The following EGFL6 variants were observed in gnomAD, a reference collection of about 807,000 sequenced individuals.
EGFL6 encodes epidermal growth factor-like protein 6.
Under a neutral mutation model 43.1 loss-of-function variants are expected in EGFL6, and 42 were observed. The observed-to-expected ratio is 0.98, with a 90% confidence interval of 0.76 to 1.26. EGFL6 has a LOEUF of 1.26. Ranked by LOEUF, EGFL6 falls within the 50% of genes most tolerant of loss-of-function variation. The probability of loss-of-function intolerance (pLI) is 0.00; values close to 1 mark genes in which losing one functional copy is unlikely to be tolerated. For synonymous variants in EGFL6, 164 were observed against 163.2 expected, an observed-to-expected ratio of 1.01 and a Z score of -0.04; for missense variants, 429 against 427.8, an observed-to-expected ratio of 1.00 and a Z score of -0.02.
chrX:13,596,099 A>G (rs1224182875), intron 3 of EGFL6: 1 of 112,412 alleles, frequency 8.9e-6, no homozygotes, highest in Non-Finnish European at 1.9e-5. Context: ...TAATATCTAT[A>G]ACAGTGGTTC....
chrX:13,590,964 T>TA (rs1158726187), intron 2 of EGFL6, among the ~76,000 whole-genome samples: 1 of 111,669 alleles, frequency 9.0e-6, no homozygotes, highest in African/African-American at 3.3e-5. Context: ...TTGGGCAAGC[T>TA]AGCTAAGGTA....
chrX:13,614,814 C>T (rs1372122946), intron 7 of EGFL6, among the ~76,000 whole-genome samples: 1 of 107,905 alleles, frequency 9.3e-6, no homozygotes, highest in Non-Finnish European at 1.9e-5. Flanking sequence ...GTGGCATGAT[C>T]TCAGCTCACT....
chrX:13,602,963 C>T lies in EGFL6; in HGVS notation c.401-354C>T, dbSNP rs112210222. The stretch of plus-strand genomic sequence containing the variant: ...GATTACTCAGGTTGATAATCTCCAT[C>T]AGCAGTTGCAATTCAACCTACTGAG... On this transcript the variant is annotated intron_variant, in intron 4 of 11. Transcript: ENST00000361306. Among the ~76,000 whole-genome samples, 527 of 112,279 alleles carry T rather than the reference C, an allele frequency of 4.7e-3. 7 individuals are homozygous for T. The highest frequency in any genetic ancestry group is 0.031 in the Admixed American group (327 of 10,620).
chrX:13,594,333 T>C (rs1341971776), intron 2 of EGFL6, among the ~76,000 whole-genome samples: 1 of 112,147 alleles, frequency 8.9e-6, no homozygotes, highest in Non-Finnish European at 1.9e-5. Flanking sequence ...TTTGTCATGC[T>C]TTCTCATGCC....
At chrX:13,616,623 A>G (rs1428851329) in intron 7 of EGFL6, among the ~76,000 whole-genome samples, 1 of 110,243 alleles carries the variant, frequency 9.1e-6, no homozygotes, top group South Asian at 3.8e-4. Flanking sequence ...AAAAAAAAAA[A>G]GAAAGAAAAG....
intron 1 of EGFL6, among the ~76,000 whole-genome samples, chrX:13,573,971 G>A (rs2045456812): frequency 8.9e-6 from 1 of 112,339 alleles, no homozygotes; most frequent in Non-Finnish European, 1.9e-5. Context: ...TCCTTTCTAA[G>A]TTTGCATTTT....
intron 7 of EGFL6, among the ~76,000 whole-genome samples, chrX:13,617,262 C>T (rs188142976): frequency 8.9e-5 from 10 of 111,915 alleles, no homozygotes; most frequent in Non-Finnish European, 1.9e-5. Context: ...CACCATAAGT[C>T]ACCATTTTTG....
rs779772809 is a variant in EGFL6 at position 13,626,180 on chromosome X, C to G, written c.1286-831C>G. 4.5e-5 allele frequency among the ~76,000 whole-genome samples: 5 copies of G among 111,740 alleles called. No homozygotes were observed. In the South Asian group the frequency reaches 1.9e-3, roughly 42 times the overall value. On this transcript the variant is annotated intron_variant, in intron 10 of 11. Transcript: ENST00000361306. Reference sequence around the variant, plus strand: ...TTTTTATTTGCTAAATCTGGATACCCTACTAGCTGGGGAAGAAGACCAGAT... The same window carrying G: ...TTTTTATTTGCTAAATCTGGATACCGTACTAGCTGGGGAAGAAGACCAGAT...
At chrX:13,622,263 G>C (rs1218247672) in intron 9 of EGFL6, among the ~76,000 whole-genome samples, 2 of 112,256 alleles carry the variant, frequency 1.8e-5, no homozygotes, top group Admixed American at 1.9e-4. Context: ...ATATGTGCAA[G>C]ATGGAAGGTC....
chrX:13,595,235 C>G lies in EGFL6; in HGVS notation c.280+307C>G, dbSNP rs370181962. 1.8e-4 allele frequency among the ~76,000 whole-genome samples: 20 copies of G among 110,424 alleles called. No individual in the cohort carries two copies. The East Asian group carries it at 5.0e-3, about 28-fold the overall frequency. On this transcript the variant is annotated intron_variant, in intron 3 of 11. Coordinates refer to ENST00000361306, the MANE Select transcript of EGFL6 (RefSeq NM_015507.4). ...CTTTCCGTAACACAGAAAAAAAGAG[C>G]CTTTTTAAAAAGTAAATAATTTTAT...
intron 1 of EGFL6, among the ~76,000 whole-genome samples, chrX:13,587,809 C>G (rs949396695): frequency 1.8e-5 from 2 of 112,091 alleles, no homozygotes; most frequent in Non-Finnish European, 3.8e-5. Context: ...AGGCCCTTTT[C>G]GTCACTGTAC....
intron 11 of EGFL6, 97 bp downstream of exon 11, chrX:13,627,373 G>A: frequency 9.5e-7 from 1 of 1,049,548 alleles, no homozygotes; most frequent in Non-Finnish European, 1.3e-6. Context: ...TAGGCATTAA[G>A]GATACAACGA....
chrX:13,627,221 A>C lies in EGFL6; in HGVS notation c.1496A>C (p.Glu499Ala). ...LAWEKTTSED[E>A]KWKTGKIQLY... ...TGGGAGAAGACCACGAGTGAGGATG[A>C]AAAGTGGAAGACAGGGAAAATTCAG... Residue 499 changes from glutamate (E) to alanine (A), a missense_variant, in exon 11 of 12, where the codon GAA (glutamate) becomes GCA (alanine). By Grantham distance (107) the Glu-to-Ala change is moderately radical (BLOSUM62 -1). Coordinates refer to ENST00000361306, the MANE Select transcript of EGFL6 (RefSeq NM_015507.4). 8.2e-7 allele frequency: 1 copy of C among 1,212,306 alleles called. No homozygotes were observed. Among genetic ancestry groups the C allele is most frequent in the Non-Finnish European group, 1.1e-6 (1 of 895,442 alleles).
chrX:13,606,693 T>C (rs187452407), intron 6 of EGFL6, among the ~76,000 whole-genome samples, 180 bp downstream of exon 6: 3 of 112,279 alleles, frequency 2.7e-5, no homozygotes, highest in Non-Finnish European at 5.6e-5. Flanking sequence ...TCCAATGACA[T>C]CAATTATAAA....
At chrX:13,578,296 TG>T (rs1446812630) in intron 1 of EGFL6, among the ~76,000 whole-genome samples, 1 of 108,633 alleles carries the variant, frequency 9.2e-6, no homozygotes, top group Non-Finnish European at 1.9e-5. Flanking sequence ...CTGGAGAGGA[TG>T]TGGAGAAATA....
chrX:13,593,232 ACTTGGTTATGATAC>A (rs2045575989), intron 2 of EGFL6, among the ~76,000 whole-genome samples: 3 of 111,025 alleles, frequency 2.7e-5, no homozygotes, highest in Non-Finnish European at 5.7e-5. Context: ...GCTAGTTTTA[ACTTGGTTATGATAC>A]CTGTACTGTA....
In EGFL6 at chrX:13,594,871, G is replaced by A. The variant is rs141324039; in HGVS notation, c.223G>A (p.Val75Met). Residue 75 changes from valine (V) to methionine (M), a missense_variant, in exon 3 of 12, where the codon GTG (valine) becomes ATG (methionine). By Grantham distance (21) the Val-to-Met change is conservative. Transcript: ENST00000361306. The part of the protein sequence containing the change: ...CEPGCKFGEC[V>M]GPNKCRCFPG... ...ACCTGGATGTAAGTTTGGTGAGTGC[G>A]TGGGACCAAACAAATGCAGATGCTT... is the stretch of plus-strand genomic sequence containing the variant. 6.6e-3 allele frequency: 7,938 copies of A among 1,209,135 alleles called. 31 individuals are homozygous for A. Among genetic ancestry groups the A allele is most frequent in the Non-Finnish European group, 7.7e-3 (6,867 of 894,686 alleles).
In EGFL6 at chrX:13,585,409, T is replaced by C. The variant is rs1271570815; in HGVS notation, c.75-4147T>C. 4.5e-5 allele frequency among the ~76,000 whole-genome samples: 5 copies of C among 112,185 alleles called. No individual in the cohort carries two copies. The Admixed American group carries it at 4.7e-4, about 11-fold the overall frequency. On this transcript the variant is annotated intron_variant, in intron 1 of 11. Transcript: ENST00000361306. The stretch of plus-strand genomic sequence containing the variant: ...ATTATGTTTCTTTGATTTAAGCTTC[T>C]GTAATAGACTGAATATATTGAGTGC...
chrX:13,600,733 A>G (rs2045629521), intron 4 of EGFL6, among the ~76,000 whole-genome samples: 2 of 94,592 alleles, frequency 2.1e-5, no homozygotes, highest in Non-Finnish European at 4.1e-5. Flanking sequence ...CCCTGTCTCT[A>G]CTAAAAAAAA....
Sources: gnomAD v4.1 joint callset for allele counts (sites outside exome capture counted in the v4.1 genomes callset) on GRCh38, gnomAD v4.1.1 for gene constraint, MANE v1.5 for transcripts, NCBI Gene and HGNC (gene_info 2026-07-23, HGNC 2026-07-21) for gene names.